GABRB1: variants seen among roughly 807,000 people sequenced by gnomAD.
GABRB1 encodes the protein gamma-aminobutyric acid type A receptor subunit beta1.
A neutral mutation model predicts 51.6 loss-of-function variants in GABRB1; 17 were observed. That is an observed-to-expected ratio of 0.33 (90% CI 0.23 to 0.49). The LOEUF (loss-of-function observed/expected upper bound fraction) is 0.49. Ranked by LOEUF, GABRB1 falls within the 20% of genes least tolerant of loss-of-function variation. The pLI is 0.99. For synonymous variants in GABRB1, 247 were observed against 218.9 expected (o/e 1.13, Z -1.14); for missense variants, 410 against 600.6 (o/e 0.68, Z 3.32).
intron 4 of GABRB1, among the ~76,000 whole-genome samples, chr4:47,274,162 C>T (rs1722984674): frequency 6.6e-6 from 1 of 152,102 alleles, no homozygotes; most frequent in African/African-American, 2.4e-5. Flanking sequence ...CCAAATTTTA[C>T]TTCTTGCTAC....
At chr4:47,360,620 T>C (rs1387551470) in intron 5 of GABRB1, among the ~76,000 whole-genome samples, 1 of 152,124 alleles carries the variant, frequency 6.6e-6, no homozygotes, top group Non-Finnish European at 1.5e-5. Flanking sequence ...TCATAATGCC[T>C]TTACAGTTAG....
chr4:47,321,589 A>G (rs1725088787), intron 5 of GABRB1, among the ~76,000 whole-genome samples: 1 of 93,212 alleles, frequency 1.1e-5, no homozygotes, highest in Non-Finnish European at 2.2e-5. Context: ...CATTCAAATC[A>G]TAGGAATGAA....
intron 4 of GABRB1, among the ~76,000 whole-genome samples, chr4:47,219,365 C>T (rs1203855511): frequency 6.6e-6 from 1 of 151,810 alleles, no homozygotes; most frequent in Non-Finnish European, 1.5e-5. Context: ...AAATTAGATA[C>T]TAAAGTAACT....
intron 3 of GABRB1, among the ~76,000 whole-genome samples, chr4:47,155,936 T>TATATATATATATATATATATAC (rs1717679418): frequency 8.1e-6 from 1 of 123,060 alleles, no homozygotes; most frequent in Non-Finnish European, 1.7e-5. Context: ...TATATATATA[T>TATATATATATATATATATATAC]ATATATATAT....
chr4:47,324,346 A>G (rs1156588045), intron 5 of GABRB1, among the ~76,000 whole-genome samples: 2 of 152,040 alleles, frequency 1.3e-5, no homozygotes, highest in Admixed American at 1.3e-4. Flanking sequence ...TCTCTAGTCC[A>G]CACACATACC....
chr4:47,183,245 T>C (rs1453259215), intron 4 of GABRB1, among the ~76,000 whole-genome samples: 2 of 150,932 alleles, frequency 1.3e-5, no homozygotes, highest in East Asian at 3.9e-4. Flanking sequence ...ACTGCTAATA[T>C]TTAAGAGAGT....
intron 4 of GABRB1, among the ~76,000 whole-genome samples, chr4:47,221,307 T>C (rs1004009885): frequency 6.6e-6 from 1 of 152,060 alleles, no homozygotes; most frequent in Non-Finnish European, 1.5e-5. Flanking sequence ...TTGACTAGAT[T>C]CTGAGCACTT....
intron 5 of GABRB1, among the ~76,000 whole-genome samples, chr4:47,346,810 C>T (rs1294673806): frequency 6.6e-6 from 1 of 152,158 alleles, no homozygotes; most frequent in Non-Finnish European, 1.5e-5. Context: ...CTTACTAGTC[C>T]ATTATTTTAC....
chr4:47,288,556 C>A (rs1284064892), intron 4 of GABRB1, among the ~76,000 whole-genome samples: 3 of 152,130 alleles, frequency 2.0e-5, no homozygotes, highest in African/African-American at 7.2e-5. Flanking sequence ...GCCACCATGC[C>A]CAGCCAGGGC....
At chr4:47,143,497 A>G (rs1717019947) in intron 3 of GABRB1, among the ~76,000 whole-genome samples, 1 of 151,886 alleles carries the variant, frequency 6.6e-6, no homozygotes, top group South Asian at 2.1e-4. Context: ...ATTTTAAAGT[A>G]AACCACAGAG....
intron 4 of GABRB1, among the ~76,000 whole-genome samples, chr4:47,200,185 G>T (rs1719843233): frequency 6.6e-6 from 1 of 152,174 alleles, no homozygotes; most frequent in Non-Finnish European, 1.5e-5. Context: ...TGTTGGTCCT[G>T]CAGGGGTCAA....
chr4:47,366,816 T>A (rs10517183), intron 5 of GABRB1, among the ~76,000 whole-genome samples: 1 of 152,108 alleles, frequency 6.6e-6, no homozygotes, highest in African/African-American at 2.4e-5. Flanking sequence ...CATGGAAGAA[T>A]TAAAACTGTG....
intron 5 of GABRB1, among the ~76,000 whole-genome samples, chr4:47,338,818 G>A (rs1433107046): frequency 2.0e-5 from 3 of 152,108 alleles, no homozygotes; most frequent in Non-Finnish European, 4.4e-5. Context: ...ACTATTTGTT[G>A]CACTGAACAA....
At chr4:47,252,092 G>A (rs898815373) in intron 4 of GABRB1, among the ~76,000 whole-genome samples, 6 of 16,958 alleles carry the variant, frequency 3.5e-4, no homozygotes, top group Non-Finnish European at 5.6e-4. Flanking sequence ...CCCCCACCCC[G>A]CTGCCCCCCC....
intron 4 of GABRB1, among the ~76,000 whole-genome samples, chr4:47,217,668 A>G (rs944050119): frequency 7.9e-5 from 12 of 151,508 alleles, no homozygotes; most frequent in African/African-American, 2.4e-4. Flanking sequence ...TCCTTTTTAG[A>G]TTTTTTAAAT....
chr4:47,156,205 T>C (rs577475351), intron 3 of GABRB1, among the ~76,000 whole-genome samples: 119 of 152,042 alleles, frequency 7.8e-4, no homozygotes, highest in African/African-American at 2.8e-3. Flanking sequence ...GGTTCCCTTT[T>C]CTCCACATCC....
chr4:47,254,599 C>T (rs1389293367), intron 4 of GABRB1, among the ~76,000 whole-genome samples: 3 of 151,716 alleles, frequency 2.0e-5, no homozygotes, highest in Non-Finnish European at 2.9e-5. Context: ...GTCTCGATCT[C>T]CTGACTTTGT....
chr4:47,092,699 A>C (rs1393239360), intron 3 of GABRB1, among the ~76,000 whole-genome samples: 1 of 147,716 alleles, frequency 6.8e-6, no homozygotes, highest in East Asian at 2.0e-4. Context: ...TGCAACCCCC[A>C]CCTCCCAGGT....
chr4:47,189,964 T>C (rs1244889017), intron 4 of GABRB1, among the ~76,000 whole-genome samples: 1 of 152,074 alleles, frequency 6.6e-6, no homozygotes, highest in Non-Finnish European at 1.5e-5. Context: ...GGCCCATCTT[T>C]TTATGATGTG....
Sources: allele counts gnomAD v4.1 joint callset (sites outside exome capture counted in the v4.1 genomes callset), GRCh38; gene constraint gnomAD v4.1.1; transcripts MANE v1.5; gene names NCBI Gene and HGNC (gene_info 2026-07-23, HGNC 2026-07-21).